Variants in RBFOX1 observed in about 807,000 individuals in gnomAD.
The protein encoded by RBFOX1 is RNA binding protein fox-1 homolog 1.
In RBFOX1, 8 loss-of-function variants were observed where a neutral mutation model predicts 57.7. That is an observed-to-expected ratio of 0.14 (90% CI 0.08 to 0.25). The LOEUF (loss-of-function observed/expected upper bound fraction) is 0.25, where lower values mean the gene tolerates loss of function less well. RBFOX1 is among the 10% of genes least tolerant of loss of function. The pLI, the probability that RBFOX1 is intolerant of heterozygous loss-of-function variation, is 1.00. For synonymous variants in RBFOX1, 326 were observed against 222.4 expected (o/e 1.47, Z -4.15); for missense variants, 611 against 548.5 (o/e 1.11, Z -1.14).
intron 2 of RBFOX1, among the ~76,000 whole-genome samples, chr16:6,554,149 G>T (rs1046515688): frequency 6.6e-6 from 1 of 152,142 alleles, no homozygotes; most frequent in Admixed American, 6.5e-5. Flanking sequence ...GCAAAATGGG[G>T]CACAAGAAAC....
intron 3 of RBFOX1, among the ~76,000 whole-genome samples, chr16:5,820,659 C>G (rs531404351): frequency 1.3e-5 from 2 of 152,178 alleles, no homozygotes; most frequent in Admixed American, 6.5e-5. Flanking sequence ...GCTCTGAAAT[C>G]ATTCCTCTGA....
At chr16:5,514,806 T>A (rs1234749309) in intron 2 of RBFOX1, among the ~76,000 whole-genome samples, 1 of 151,948 alleles carries the variant, frequency 6.6e-6, no homozygotes, top group African/African-American at 2.4e-5. Context: ...AGAGATAACA[T>A]AGTTCTGCCT....
At chr16:7,471,756 G>T (rs919265526) in intron 4 of RBFOX1, among the ~76,000 whole-genome samples, 1 of 152,190 alleles carries the variant, frequency 6.6e-6, no homozygotes, top group African/African-American at 2.4e-5. Flanking sequence ...AGACAGGAAA[G>T]GTTAAGACTT....
At chr16:6,897,306 G>C (rs1318497107) in intron 3 of RBFOX1, among the ~76,000 whole-genome samples, 1 of 152,232 alleles carries the variant, frequency 6.6e-6, no homozygotes, top group African/African-American at 2.4e-5. Context: ...AGGAGGCTGA[G>C]GAGGGAGAAT....
chr16:6,355,735 A>G (rs1438629326), intron 2 of RBFOX1, among the ~76,000 whole-genome samples: 1 of 152,170 alleles, frequency 6.6e-6, no homozygotes, highest in African/African-American at 2.4e-5. Flanking sequence ...GGCTGAACTA[A>G]TTTACACTCC....
intron 4 of RBFOX1, among the ~76,000 whole-genome samples, chr16:6,009,802 A>ATCTGTGTGTGTGTC (rs2094949607): frequency 1.7e-5 from 1 of 58,562 alleles, no homozygotes; most frequent in Non-Finnish European, 3.2e-5. Context: ...CAGTGTGTGT[A>ATCTGTGTGTGTGTC]TGTGTGTGTG....
chr16:6,480,041 C>A (rs8048968), intron 2 of RBFOX1, among the ~76,000 whole-genome samples: 1 of 132,502 alleles, frequency 7.5e-6, no homozygotes, highest in Non-Finnish European at 1.5e-5. Flanking sequence ...CAGAGCAAGA[C>A]TCCACCTCGA....
chr16:6,583,383 T>G (rs2097564467), intron 2 of RBFOX1, among the ~76,000 whole-genome samples: 1 of 152,178 alleles, frequency 6.6e-6, no homozygotes, highest in Non-Finnish European at 1.5e-5. Flanking sequence ...ACAAGAGGAA[T>G]GATACCAGCC....
chr16:7,136,865 T>C (rs186196631), intron 4 of RBFOX1, among the ~76,000 whole-genome samples: 51 of 152,358 alleles, frequency 3.3e-4, no homozygotes, highest in Admixed American at 2.9e-3. Context: ...TTTATTTCTC[T>C]CATACACAAA....
intron 3 of RBFOX1, among the ~76,000 whole-genome samples, chr16:5,748,799 A>G (rs200593827): frequency 6.6e-6 from 1 of 152,184 alleles, no homozygotes. Flanking sequence ...AATACAGCAC[A>G]CTGATGGGTC....
chr16:6,254,517 AT>A (rs1205268305), intron 1 of RBFOX1, among the ~76,000 whole-genome samples: 1 of 152,148 alleles, frequency 6.6e-6, no homozygotes, highest in Non-Finnish European at 1.5e-5. Flanking sequence ...TTGAAGCTTG[AT>A]CCCAAGGTCA....
At chr16:7,302,878 A>G (rs890941391) in intron 4 of RBFOX1, among the ~76,000 whole-genome samples, 1 of 152,222 alleles carries the variant, frequency 6.6e-6, no homozygotes, top group Non-Finnish European at 1.5e-5. Flanking sequence ...TTCATAAAAT[A>G]AAGGGGAGGG....
At chr16:6,121,826 A>G (rs561641018) in intron 1 of RBFOX1, among the ~76,000 whole-genome samples, 2 of 152,260 alleles carry the variant, frequency 1.3e-5, no homozygotes, top group African/African-American at 4.8e-5. Context: ...CTATCTTTAA[A>G]GGATGACTGT....
intron 2 of RBFOX1, among the ~76,000 whole-genome samples, chr16:6,414,603 A>G (rs1007435419): frequency 6.6e-6 from 1 of 152,196 alleles, no homozygotes; most frequent in South Asian, 2.1e-4. Context: ...CATTCGATTC[A>G]AGCTTATATC....
chr16:7,491,478 T>G (rs1212904700), intron 4 of RBFOX1, among the ~76,000 whole-genome samples: 1 of 151,426 alleles, frequency 6.6e-6, no homozygotes, highest in Non-Finnish European at 1.5e-5. Flanking sequence ...ACAGGTGATG[T>G]GATCCCTCTG....
intron 1 of RBFOX1, among the ~76,000 whole-genome samples, chr16:6,098,568 G>C (rs1273303095): frequency 6.6e-6 from 1 of 152,208 alleles, no homozygotes; most frequent in Non-Finnish European, 1.5e-5. Flanking sequence ...CATTAGTCCT[G>C]CAGAAACCCT....
chr16:6,674,473 C>A (rs1368221651), intron 3 of RBFOX1, among the ~76,000 whole-genome samples: 1 of 152,088 alleles, frequency 6.6e-6, no homozygotes, highest in East Asian at 1.9e-4. Flanking sequence ...AGGCACCTGT[C>A]ACCATGCCCG....
chr16:6,624,418 C>G (rs57340308), intron 2 of RBFOX1, among the ~76,000 whole-genome samples: 3,950 of 152,160 alleles, frequency 0.026, 184 homozygotes, highest in African/African-American at 0.091. Flanking sequence ...TTATATATGT[C>G]AGAAGGCTGA....
At chr16:5,720,298 G>A (rs1362630312) in intron 3 of RBFOX1, among the ~76,000 whole-genome samples, 1 of 152,094 alleles carries the variant, frequency 6.6e-6, no homozygotes, top group East Asian at 1.9e-4. Flanking sequence ...AGTTGTGAGA[G>A]TTGTTTATAT....
Sources: gnomAD v4.1 joint callset for allele counts (sites outside exome capture counted in the v4.1 genomes callset) on GRCh38, gnomAD v4.1.1 for gene constraint, MANE v1.5 for transcripts, NCBI Gene and HGNC (gene_info 2026-07-23, HGNC 2026-07-21) for gene names.